Variants in DLGAP1 observed in about 807,000 individuals in gnomAD.
DLGAP1 encodes the protein disks large-associated protein 1.
Under a neutral mutation model 90.8 loss-of-function variants are expected in DLGAP1, and 11 were observed. That is an observed-to-expected ratio of 0.12 (90% confidence interval 0.08 to 0.20). DLGAP1 has a LOEUF of 0.20. DLGAP1 is among the 10% of genes least tolerant of loss of function. The pLI, the probability that DLGAP1 is intolerant of heterozygous loss-of-function variation, is 1.00. For synonymous variants in DLGAP1, 558 were observed against 540.7 expected (o/e 1.03, Z -0.44); for missense variants, 1,050 against 1,333.8 (o/e 0.79, Z 3.31).
chr18:3,698,233 T>C (rs2061160718), intron 7 of DLGAP1, among the ~76,000 whole-genome samples: 2 of 152,186 alleles, frequency 1.3e-5, no homozygotes, highest in Non-Finnish European at 2.9e-5. Flanking sequence ...CATTATGATG[T>C]TTCCTGGTTA....
chr18:4,322,229 A>T (rs942948212), intron 1 of DLGAP1, among the ~76,000 whole-genome samples: 22 of 151,772 alleles, frequency 1.4e-4, no homozygotes, highest in African/African-American at 5.1e-4. Context: ...GAAAGAAAGA[A>T]AAAGGGAAAA....
At position 3,565,990 on chromosome 18, in the gene DLGAP1, T is replaced by C. The variant is rs1259713470; in HGVS notation, c.2057+1500A>G. Among the ~76,000 whole-genome samples, 1 of 152,148 alleles carries C rather than the reference T, an allele frequency of 6.6e-6. No homozygotes were observed. Among genetic ancestry groups the C allele is most frequent in the Non-Finnish European group, 1.5e-5 (1 of 68,044 alleles). ...GAACACTATGCGTGGATATTATATATTAAAGTTTTTCACCTAACATTGTAT... is the reference window on the plus strand; with the variant it reads ...GAACACTATGCGTGGATATTATATACTAAAGTTTTTCACCTAACATTGTAT... On this transcript the variant is annotated intron_variant, in intron 9 of 12. Transcript: ENST00000315677. This position sits in a 1 kb window ranked among gnomAD's most constrained non-coding sequence, Gnocchi z 4.0.
intron 3 of DLGAP1, among the ~76,000 whole-genome samples, chr18:3,903,646 C>T (rs1478801666): frequency 6.6e-6 from 1 of 152,294 alleles, no homozygotes. Flanking sequence ...GTATTTCACT[C>T]CACTGGGTCT....
chr18:3,694,407 T>C (rs555828445), intron 7 of DLGAP1, among the ~76,000 whole-genome samples: 1 of 152,316 alleles, frequency 6.6e-6, no homozygotes, highest in Admixed American at 6.5e-5. Flanking sequence ...TACTCAGTAA[T>C]GGGATTGCTG....
intron 8 of DLGAP1, among the ~76,000 whole-genome samples, chr18:3,569,215 TG>T (rs986302975): frequency 6.6e-5 from 10 of 151,820 alleles, no homozygotes; most frequent in East Asian, 2.0e-4. Context: ...TTGGTCAGGC[TG>T]GTCTCGAACT....
intron 5 of DLGAP1, among the ~76,000 whole-genome samples, chr18:3,765,597 G>A (rs1355213577): frequency 2.0e-5 from 3 of 152,060 alleles, no homozygotes; most frequent in Non-Finnish European, 4.4e-5. Flanking sequence ...ACTTTGGAAA[G>A]CCAAGGCAGG....
chr18:3,521,330 G>A (rs2144149016), intron 10 of DLGAP1, among the ~76,000 whole-genome samples: 1 of 152,262 alleles, frequency 6.6e-6, no homozygotes, highest in South Asian at 2.1e-4. Flanking sequence ...TTCTCATGCT[G>A]ACAACTTTTC....
At chr18:4,217,561 G>A (rs1391229842) in intron 1 of DLGAP1, among the ~76,000 whole-genome samples, 5 of 151,798 alleles carry the variant, frequency 3.3e-5, no homozygotes, top group African/African-American at 4.8e-5. Flanking sequence ...ATGATGTTCC[G>A]TGTATTTTCA....
intron 1 of DLGAP1, among the ~76,000 whole-genome samples, chr18:4,329,362 T>TA (rs71368741): frequency 0.05 from 7,642 of 152,014 alleles, 252 homozygotes; most frequent in African/African-American, 0.091. Flanking sequence ...TATGTATTCT[T>TA]ATTGCAATAT....
intron 7 of DLGAP1, among the ~76,000 whole-genome samples, chr18:3,662,829 T>G (rs771013042): frequency 9.9e-5 from 15 of 152,254 alleles, no homozygotes; most frequent in Non-Finnish European, 2.2e-4. Context: ...CCCAAGCACT[T>G]ATCCCATCCC....
chr18:3,884,956 T>C (rs760527221), intron 3 of DLGAP1, among the ~76,000 whole-genome samples: 1 of 152,198 alleles, frequency 6.6e-6, no homozygotes, highest in Non-Finnish European at 1.5e-5. Flanking sequence ...CCATGGCCCT[T>C]TCTGTAACAA....
At chr18:3,750,402 C>G (rs2063450750) in intron 5 of DLGAP1, among the ~76,000 whole-genome samples, 1 of 152,172 alleles carries the variant, frequency 6.6e-6, no homozygotes, top group Admixed American at 6.6e-5. Flanking sequence ...CATGTCTTTG[C>G]TATTGTGAAC....
At chr18:3,717,876 CA>C (rs1325228794) in intron 7 of DLGAP1, among the ~76,000 whole-genome samples, 2 of 152,140 alleles carry the variant, frequency 1.3e-5, no homozygotes, top group Admixed American at 6.5e-5. Flanking sequence ...TGTAGGGTCA[CA>C]AGGTAGTAGC....
intron 1 of DLGAP1, among the ~76,000 whole-genome samples, chr18:4,429,214 G>A (rs970866466): frequency 2.6e-5 from 4 of 152,082 alleles, no homozygotes; most frequent in African/African-American, 4.8e-5. Context: ...AGAACAGCAG[G>A]ATATAATGAA....
intron 1 of DLGAP1, among the ~76,000 whole-genome samples, chr18:4,257,059 T>C (rs1313306764): frequency 3.9e-5 from 6 of 152,120 alleles, no homozygotes; most frequent in Admixed American, 6.5e-5. Context: ...GTACTCACAG[T>C]AGAAAGGAAG....
intron 1 of DLGAP1, among the ~76,000 whole-genome samples, chr18:4,394,606 A>T (rs939120362): frequency 4.6e-5 from 7 of 152,192 alleles, no homozygotes; most frequent in African/African-American, 1.7e-4. Flanking sequence ...CTAGTTAATT[A>T]TTTATGAAAA....
intron 3 of DLGAP1, among the ~76,000 whole-genome samples, chr18:3,958,770 G>A (rs975391844): frequency 6.6e-6 from 1 of 152,146 alleles, no homozygotes; most frequent in Non-Finnish European, 1.5e-5. Context: ...CTTCTCAGGA[G>A]CTGATGAGTA....
chr18:3,502,171 T>C, intron 12 of DLGAP1: 1 of 1,186,088 alleles, frequency 8.4e-7, no homozygotes, highest in African/African-American at 1.6e-5. Context: ...GAAGATGTCA[T>C]TTATTTTAGT....
intron 8 of DLGAP1, among the ~76,000 whole-genome samples, chr18:3,572,090 T>TTTC (rs1555684210): frequency 3.8e-5 from 4 of 105,746 alleles, no homozygotes; most frequent in African/African-American, 1.3e-4. Flanking sequence ...TTTTTTTTTT[T>TTTC]CTTTTGAGAC....
Sources: gnomAD v4.1 joint callset for allele counts (sites outside exome capture counted in the v4.1 genomes callset) on GRCh38, gnomAD v4.1.1 for gene constraint, Gnocchi (gnomAD v3.1) non-coding constraint, MANE v1.5 for transcripts, NCBI Gene and HGNC (gene_info 2026-07-23, HGNC 2026-07-21) for gene names.